SLC9A9: variants seen among roughly 807,000 people sequenced by gnomAD.
SLC9A9 encodes the protein sodium/hydrogen exchanger 9.
SLC9A9 carries 62 observed loss-of-function variants against 77.8 expected under a neutral mutation model. That is an observed-to-expected ratio of 0.80 (90% CI 0.65 to 0.98). The LOEUF (loss-of-function observed/expected upper bound fraction) is 0.98, where lower values mean the gene tolerates loss of function less well. SLC9A9 is among the 50% of genes least tolerant of loss of function. SLC9A9 has a pLI of 0.00. For missense variants in SLC9A9, 775 were observed against 774.9 expected (o/e 1.00, Z 0.00); for synonymous variants, 320 against 283.5 (o/e 1.13, Z -1.29).
intron 4 of SLC9A9, among the ~76,000 whole-genome samples, chr3:143,762,259 G>T (rs1461016193): frequency 1.3e-5 from 2 of 152,154 alleles, no homozygotes; most frequent in Non-Finnish European, 2.9e-5. Context: ...GTTAATGGGT[G>T]CAGCACACCA....
At chr3:143,495,523 T>C (rs2035819327) in intron 9 of SLC9A9, 75 bp from the exon 10 acceptor site, 2 of 1,098,344 alleles carry the variant, frequency 1.8e-6, no homozygotes, top group Non-Finnish European at 2.8e-6. Context: ...GGTAACTGTA[T>C]TTGACAACTG....
chr3:143,266,450 T>G lies in SLC9A9; in HGVS notation c.*252A>C, dbSNP rs1012438331. On this transcript the variant is annotated 3_prime_UTR_variant, in exon 16 of 16. Coordinates refer to ENST00000316549, the MANE Select transcript of SLC9A9 (RefSeq NM_173653.4). ...AGCAGCTAGACTCCTGATACCTCCATCCCCACCCCAGCCAATCCAGTAATC... is the reference window on the plus strand; with the variant it reads ...AGCAGCTAGACTCCTGATACCTCCAGCCCCACCCCAGCCAATCCAGTAATC... 2 of 564,288 alleles carry G rather than the reference T, an allele frequency of 3.5e-6. No individual in the cohort carries two copies. Among genetic ancestry groups the G allele is most frequent in the Non-Finnish European group, 6.3e-6 (2 of 315,134 alleles). 35.0% of individuals were successfully genotyped at this position (564,288 alleles called of 1,614,324 possible).
At chr3:143,505,298 A>T (rs2035993182) in intron 9 of SLC9A9, among the ~76,000 whole-genome samples, 2 of 152,036 alleles carry the variant, frequency 1.3e-5, no homozygotes, top group African/African-American at 2.4e-5. Context: ...TTTCCAAATA[A>T]CCCTCTTTTC....
At chr3:143,736,779 G>A (rs1934952467) in intron 4 of SLC9A9, among the ~76,000 whole-genome samples, 1 of 152,188 alleles carries the variant, frequency 6.6e-6, no homozygotes, top group African/African-American at 2.4e-5. Context: ...CTCATAATCA[G>A]TTCTTGAGCA....
At position 143,449,642 on chromosome 3, in the gene SLC9A9, ATAATATAATTATATAAAATATAATTAT is replaced by A. The variant is rs1559921342; in HGVS notation, c.1469+17368_1469+17394del. 1.8e-3 allele frequency among the ~76,000 whole-genome samples: 89 copies of A among 48,878 alleles called. 23 individuals are homozygous for A. The highest frequency in any genetic ancestry group is 5.4e-3 in the African/African-American group (47 of 8,704). 32.1% of individuals were successfully genotyped at this position (48,878 alleles called of 152,430 possible). ...ATATAATTATATAAAATATAATTAT[ATAATATAATTATATAAAATATAATTAT>A]ATTATATAATTATATAAAATATAAT... On this transcript the variant is annotated intron_variant, in intron 12 of 15. Coordinates refer to ENST00000316549, the MANE Select transcript of SLC9A9 (RefSeq NM_173653.4).
At chr3:143,352,029 C>A (rs2032467907) in intron 14 of SLC9A9, among the ~76,000 whole-genome samples, 1 of 152,200 alleles carries the variant, frequency 6.6e-6, no homozygotes, top group Non-Finnish European at 1.5e-5. Flanking sequence ...GGGGCACCTG[C>A]CTGGGGTACT....
chr3:143,734,473 T>C (rs7628206), intron 4 of SLC9A9, among the ~76,000 whole-genome samples: 17,504 of 152,134 alleles, frequency 0.12, 1,479 homozygotes, highest in African/African-American at 0.24. Context: ...CAGTGGCTCA[T>C]GCCTGTAATC....
At chr3:143,373,587 C>T (rs1348945087) in intron 13 of SLC9A9, among the ~76,000 whole-genome samples, 2 of 132,890 alleles carry the variant, frequency 1.5e-5, no homozygotes, top group African/African-American at 2.8e-5. Context: ...CATTGTATCC[C>T]CAAAGCCACT....
At chr3:143,798,276 G>A (rs996270485) in intron 2 of SLC9A9, among the ~76,000 whole-genome samples, 5 of 152,128 alleles carry the variant, frequency 3.3e-5, no homozygotes, top group South Asian at 2.1e-4. Context: ...TCACAGACTC[G>A]GGAAGACAGT....
intron 13 of SLC9A9, among the ~76,000 whole-genome samples, chr3:143,370,565 G>GCA (rs1400523794): frequency 2.9e-4 from 11 of 38,410 alleles, no homozygotes; most frequent in African/African-American, 7.0e-4. Flanking sequence ...ATGCATGTGC[G>GCA]CGCACACACA....
intron 14 of SLC9A9, among the ~76,000 whole-genome samples, chr3:143,360,470 C>T (rs980265002): frequency 1.3e-5 from 2 of 152,174 alleles, no homozygotes; most frequent in Non-Finnish European, 2.9e-5. Context: ...CCAACCCAAT[C>T]AGTAGTACAC....
At chr3:143,793,268 G>GCA (rs757610319) in intron 4 of SLC9A9, among the ~76,000 whole-genome samples, 53 of 151,870 alleles carry the variant, frequency 3.5e-4, no homozygotes, top group Non-Finnish European at 4.1e-4. Context: ...CACACACACA[G>GCA]TATATATTGG....
chr3:143,565,624 G>A (rs1331811710), intron 8 of SLC9A9, among the ~76,000 whole-genome samples: 3 of 152,010 alleles, frequency 2.0e-5, no homozygotes, highest in African/African-American at 7.2e-5. Flanking sequence ...GTTTGTCTTT[G>A]GTTCAGTGTG....
intron 14 of SLC9A9, among the ~76,000 whole-genome samples, chr3:143,310,209 C>G (rs2030964475): frequency 1.3e-5 from 2 of 152,262 alleles, no homozygotes; most frequent in South Asian, 4.1e-4. Flanking sequence ...TCATTGGCAT[C>G]TAGAGCAACA....
chr3:143,411,415 T>C (rs2034094397), intron 12 of SLC9A9, among the ~76,000 whole-genome samples: 1 of 152,210 alleles, frequency 6.6e-6, no homozygotes, highest in African/African-American at 2.4e-5. Flanking sequence ...TGCATTCCCA[T>C]GGTTAATATG....
At chr3:143,557,412 T>G (rs1414854795) in intron 8 of SLC9A9, among the ~76,000 whole-genome samples, 2 of 152,112 alleles carry the variant, frequency 1.3e-5, no homozygotes, top group African/African-American at 4.8e-5. Flanking sequence ...TATCCAGAAA[T>G]GTCGATGCAA....
At chr3:143,788,439 C>T (rs1250734191) in intron 4 of SLC9A9, among the ~76,000 whole-genome samples, 1 of 151,936 alleles carries the variant, frequency 6.6e-6, no homozygotes, top group Non-Finnish European at 1.5e-5. Context: ...GCCTGTAATC[C>T]CAGCACTTTG....
intron 4 of SLC9A9, among the ~76,000 whole-genome samples, chr3:143,735,749 A>T (rs1934925833): frequency 6.6e-6 from 1 of 152,246 alleles, no homozygotes; most frequent in South Asian, 2.1e-4. Context: ...TGGATGCCTC[A>T]TAAATACTGC....
intron 14 of SLC9A9, among the ~76,000 whole-genome samples, chr3:143,286,237 T>C (rs1403554269): frequency 1.3e-5 from 2 of 152,002 alleles, no homozygotes; most frequent in South Asian, 2.1e-4. Context: ...CGAAGGAGGG[T>C]ATATGTGTGC....
Sources: allele counts gnomAD v4.1 joint callset (sites outside exome capture counted in the v4.1 genomes callset), GRCh38; gene constraint gnomAD v4.1.1; transcripts MANE v1.5; gene names NCBI Gene and HGNC (gene_info 2026-07-23, HGNC 2026-07-21).